The following RIMS2 variants were observed in gnomAD, a reference collection of about 807,000 sequenced individuals.
RIMS2 encodes the protein regulating synaptic membrane exocytosis 2.
Under a neutral mutation model 174.4 loss-of-function variants are expected in RIMS2, and 59 were observed. The observed-to-expected ratio is 0.34, with a 90% CI of 0.27 to 0.42. RIMS2 has a LOEUF of 0.42. RIMS2 is among the 10% of genes least tolerant of loss of function. The pLI is 1.00. For missense variants in RIMS2, 1,620 were observed against 1,666.3 expected (o/e 0.97, Z 0.48); for synonymous variants, 606 against 572.5 (o/e 1.06, Z -0.84).
chr8:103,577,424 C>T (rs1261354797), intron 1 of RIMS2, among the ~76,000 whole-genome samples: 1 of 152,066 alleles, frequency 6.6e-6, no homozygotes, highest in Non-Finnish European at 1.5e-5. Context: ...AGTGAGAACA[C>T]ATGGACACAG....
intron 19 of RIMS2, among the ~76,000 whole-genome samples, chr8:104,224,089 C>T (rs2099170179): frequency 1.3e-5 from 2 of 152,248 alleles, no homozygotes; most frequent in Non-Finnish European, 2.9e-5. Flanking sequence ...GGCGGCGCCT[C>T]TTCGGTGCAC....
chr8:103,635,739 G>A lies in RIMS2; in HGVS notation c.177-61347G>A, dbSNP rs553414281. Among the ~76,000 whole-genome samples, 81 of 152,128 alleles carry A rather than the reference G, an allele frequency of 5.3e-4. 1 individual carries two copies. The highest frequency in any genetic ancestry group is 1.3e-3 in the Admixed American group (20 of 15,288). Reference sequence around the variant, plus strand: ...GAAAGAAGTTTGGCCACATTTTGGCGGAGCAGCTGAGCTGTGCTGGGGTTC... The same window carrying A: ...GAAAGAAGTTTGGCCACATTTTGGCAGAGCAGCTGAGCTGTGCTGGGGTTC... On this transcript the variant is annotated intron_variant, in intron 1 of 23. Transcript: ENST00000504942.
intron 19 of RIMS2, among the ~76,000 whole-genome samples, chr8:104,146,633 A>G (rs773203407): frequency 1.4e-4 from 21 of 152,228 alleles, no homozygotes; most frequent in Non-Finnish European, 2.6e-4. Flanking sequence ...TTGTGAGTGT[A>G]TCTTTGACAT....
intron 10 of RIMS2, among the ~76,000 whole-genome samples, chr8:103,925,369 G>C (rs980609722): frequency 7.9e-5 from 12 of 151,580 alleles, no homozygotes; most frequent in Admixed American, 5.3e-4. Flanking sequence ...TTAAGGAGAG[G>C]TATGTGTCCT....
chr8:103,880,372 T>C (rs2099161438), intron 3 of RIMS2: 1 of 260,614 alleles, frequency 3.8e-6, no homozygotes, highest in African/African-American at 2.2e-5. Flanking sequence ...GGGTACATTC[T>C]TACTTGACCT....
In RIMS2 at chr8:104,118,374, T is replaced by G. The variant is rs907370129; in HGVS notation, c.3334+103759T>G. On this transcript the variant is annotated intron_variant, in intron 19 of 23. Coordinates refer to ENST00000504942, the Ensembl canonical transcript of RIMS2. Reference sequence around the variant, plus strand: ...TTTTTGTTTTTTTGTTTTTTTGTTTTTTTTTTTTTTGAGACAGGGTCTTGT... The same window carrying G: ...TTTTTGTTTTTTTGTTTTTTTGTTTGTTTTTTTTTTGAGACAGGGTCTTGT... Among the ~76,000 whole-genome samples the G allele has an allele frequency of 4.0e-5, 6 of 150,616 alleles. No homozygotes were observed. The South Asian group carries it at 1.0e-3, about 26-fold the overall frequency.
intron 1 of RIMS2, among the ~76,000 whole-genome samples, chr8:103,612,812 C>T (rs2430758): frequency 0.35 from 53,811 of 151,968 alleles, 10,250 homozygotes; most frequent in East Asian, 0.77. Flanking sequence ...CCTCATGATC[C>T]GCCTGCCTCA....
At chr8:103,642,632 TTTTG>T (rs2096252859) in intron 1 of RIMS2, among the ~76,000 whole-genome samples, 1 of 152,074 alleles carries the variant, frequency 6.6e-6, no homozygotes, top group Non-Finnish European at 1.5e-5. Flanking sequence ...TTTTTATAAT[TTTTG>T]TTTGTTTGAG....
At chr8:103,757,922 C>A (rs991126185) in intron 2 of RIMS2, among the ~76,000 whole-genome samples, 1 of 152,190 alleles carries the variant, frequency 6.6e-6, no homozygotes, top group East Asian at 1.9e-4. Flanking sequence ...TCCCTAGAGC[C>A]TTCTGAAGGA....
intron 3 of RIMS2, among the ~76,000 whole-genome samples, chr8:103,793,844 A>G (rs2154445617): frequency 2.6e-5 from 4 of 152,336 alleles, no homozygotes; most frequent in African/African-American, 9.6e-5. Flanking sequence ...TACTACAAAG[A>G]GAATAAAATA....
intron 3 of RIMS2, among the ~76,000 whole-genome samples, chr8:103,791,357 G>A (rs1252685870): frequency 6.6e-6 from 1 of 152,134 alleles, no homozygotes; most frequent in Non-Finnish European, 1.5e-5. Context: ...ATCCTTTACA[G>A]ACAAGCAAAT....
At chr8:104,022,527 G>A (rs1053430056) in intron 19 of RIMS2, among the ~76,000 whole-genome samples, 2 of 152,006 alleles carry the variant, frequency 1.3e-5, no homozygotes, top group Admixed American at 1.3e-4. Flanking sequence ...GATTACAGGT[G>A]CCTGCCACCA....
At chr8:103,877,526 T>C (rs889712268) in intron 3 of RIMS2, among the ~76,000 whole-genome samples, 27 of 151,798 alleles carry the variant, frequency 1.8e-4, no homozygotes, top group Admixed American at 3.3e-4. Flanking sequence ...GCTCAGTGTA[T>C]GTTTTGTTGG....
chr8:104,121,702 C>G (rs984544261), intron 19 of RIMS2, among the ~76,000 whole-genome samples: 1 of 152,182 alleles, frequency 6.6e-6, no homozygotes, highest in Non-Finnish European at 1.5e-5. Context: ...TGGCTCTAGC[C>G]TGTAATCCCA....
chr8:104,252,489 G>A (rs2099361516), downstream of RIMS2: 1 of 150,546 alleles, frequency 6.6e-6, no homozygotes, highest in Non-Finnish European at 1.5e-5. Flanking sequence ...ACACAGATTA[G>A]CTGAATACTT....
At chr8:103,801,895 A>G (rs1489738904) in intron 3 of RIMS2, among the ~76,000 whole-genome samples, 1 of 152,136 alleles carries the variant, frequency 6.6e-6, no homozygotes, top group Non-Finnish European at 1.5e-5. Context: ...TTAATTGAGC[A>G]AGACACTACT....
chr8:104,157,871 T>C (rs1838935), intron 19 of RIMS2, among the ~76,000 whole-genome samples: 95,419 of 152,038 alleles, frequency 0.63, 30,175 homozygotes, highest in Middle Eastern at 0.7. Flanking sequence ...GATAATTTAA[T>C]TTTTGTTTTT....
chr8:104,137,866 T>C (rs2098533957), intron 19 of RIMS2, among the ~76,000 whole-genome samples: 1 of 152,202 alleles, frequency 6.6e-6, no homozygotes, highest in African/African-American at 2.4e-5. Flanking sequence ...TGCTTTCAAA[T>C]ACTAGATATT....
At chr8:103,540,624 A>C (rs1242931468) in intron 1 of RIMS2, among the ~76,000 whole-genome samples, 1 of 152,212 alleles carries the variant, frequency 6.6e-6, no homozygotes. Flanking sequence ...GAGGTATAAC[A>C]CCACCAAAAG....
Sources: gnomAD v4.1 joint callset for allele counts (sites outside exome capture counted in the v4.1 genomes callset) on GRCh38, gnomAD v4.1.1 for gene constraint, MANE v1.5 for transcripts, NCBI Gene and HGNC (gene_info 2026-07-23, HGNC 2026-07-21) for gene names.